DYSF: variants seen among roughly 807,000 people sequenced by gnomAD.
The protein encoded by DYSF is dysferlin.
In DYSF, 212 loss-of-function variants were observed where a neutral mutation model predicts 274.9. The ratio of observed to expected loss-of-function variants is 0.77; its 90% CI spans 0.69 to 0.86. The LOEUF is 0.86. Ranked by LOEUF, DYSF falls within the 40% of genes least tolerant of loss-of-function variation. DYSF has a pLI of 0.00. For synonymous variants in DYSF, 1,091 were observed against 1,078.7 expected (o/e 1.01, Z -0.22); for missense variants, 2,666 against 2,783.2 (o/e 0.96, Z 0.95).
chr2:71,588,250 C>A (rs368502362), intron 30 of DYSF, among the ~76,000 whole-genome samples: 4 of 152,172 alleles, frequency 2.6e-5, no homozygotes, highest in African/African-American at 7.2e-5. Context: ...CTGGACTGGA[C>A]CTTTCAGGCC....
At chr2:71,514,248 A>G (rs1441971553) in intron 7 of DYSF, among the ~76,000 whole-genome samples, 3 of 151,630 alleles carry the variant, frequency 2.0e-5, no homozygotes, top group African/African-American at 7.3e-5. Context: ...ATATCCAACC[A>G]GCAAGCTCCT....
At chr2:71,590,840 T>C (rs990545773) in intron 32 of DYSF, among the ~76,000 whole-genome samples, 1 of 152,218 alleles carries the variant, frequency 6.6e-6, no homozygotes, top group African/African-American at 2.4e-5. Flanking sequence ...CTGAGGATTC[T>C]ACCTCCTGAA....
chr2:71,594,683 A>G (rs1020907353), intron 32 of DYSF, among the ~76,000 whole-genome samples: 1 of 152,066 alleles, frequency 6.6e-6, no homozygotes, highest in Non-Finnish European at 1.5e-5. Flanking sequence ...CTGATCCCCA[A>G]GTGCCTAAAG....
intron 51 of DYSF, among the ~76,000 whole-genome samples, chr2:71,670,706 A>G (rs2095104521): frequency 6.6e-6 from 1 of 152,208 alleles, no homozygotes; most frequent in Non-Finnish European, 1.5e-5. Context: ...TGAACTAGGC[A>G]GAACTCGAGG....
At chr2:71,682,824 A>G in intron 55 of DYSF, 147 bp downstream of exon 55, 1 of 1,157,988 alleles carries the variant, frequency 8.6e-7, no homozygotes, top group Non-Finnish European at 1.2e-6. Context: ...TACAGAGCCC[A>G]GCTCTGGGGA....
At chr2:71,663,070 G>A (rs1300076290) in intron 45 of DYSF, among the ~76,000 whole-genome samples, 3 of 29,992 alleles carry the variant, frequency 1.0e-4, no homozygotes, top group African/African-American at 2.1e-4. Context: ...AGGGAAGGAA[G>A]GGCCCTGCCT....
intron 44 of DYSF, among the ~76,000 whole-genome samples, chr2:71,659,777 A>G (rs2094843868): frequency 6.6e-6 from 1 of 152,156 alleles, no homozygotes; most frequent in Non-Finnish European, 1.5e-5. Flanking sequence ...GAGGTGACAG[A>G]GGTGGGAGGC....
At chr2:71,512,822 G>A (rs908999824) in intron 5 of DYSF, among the ~76,000 whole-genome samples, 8 of 152,238 alleles carry the variant, frequency 5.3e-5, no homozygotes, top group Middle Eastern at 3.4e-3. Context: ...TGGTGAGGTC[G>A]GCAGAGCAGA....
At chr2:71,630,647 G>C (rs973843549) in intron 41 of DYSF, among the ~76,000 whole-genome samples, 4 of 152,188 alleles carry the variant, frequency 2.6e-5, no homozygotes, top group African/African-American at 9.7e-5. Context: ...TCAGTGAGTG[G>C]GAAGCCAAAT....
chr2:71,514,664 A>G (rs1025405979), intron 7 of DYSF, among the ~76,000 whole-genome samples: 3 of 152,188 alleles, frequency 2.0e-5, no homozygotes, highest in Non-Finnish European at 4.4e-5. Flanking sequence ...TTAAGGTTAA[A>G]AGCAAGAATC....
At chr2:71,508,417 C>T (rs2085726566) in intron 4 of DYSF, among the ~76,000 whole-genome samples, 1 of 152,226 alleles carries the variant, frequency 6.6e-6, no homozygotes, top group African/African-American at 2.4e-5. Flanking sequence ...AAGGATCCCA[C>T]TAAGGCTCAT....
At chr2:71,633,683 A>G (rs1429036637) in intron 41 of DYSF, among the ~76,000 whole-genome samples, 1 of 152,188 alleles carries the variant, frequency 6.6e-6, no homozygotes, top group Non-Finnish European at 1.5e-5. Flanking sequence ...TTAAAATTAT[A>G]AACAATAATA....
chr2:71,521,119 A>G (rs1410489217), intron 12 of DYSF, among the ~76,000 whole-genome samples: 2 of 151,850 alleles, frequency 1.3e-5, no homozygotes, highest in South Asian at 2.1e-4. Flanking sequence ...TAATCCTACC[A>G]CTCCGAGAGA....
At chr2:71,640,661 C>T (rs997580510) in intron 41 of DYSF, among the ~76,000 whole-genome samples, 3 of 152,134 alleles carry the variant, frequency 2.0e-5, no homozygotes, top group Non-Finnish European at 4.4e-5. Context: ...AGCTTGACCA[C>T]GCCAGATTGA....
chr2:71,663,983 C>A (rs2094950242), intron 45 of DYSF, among the ~76,000 whole-genome samples: 1 of 152,206 alleles, frequency 6.6e-6, no homozygotes, highest in Admixed American at 6.5e-5. Flanking sequence ...GTGGTCAAAG[C>A]TTCAGTTTTA....
At chr2:71,481,021 G>T (rs573292858) in intron 2 of DYSF, 83 bp downstream of exon 2, 12 of 1,389,850 alleles carry the variant, frequency 8.6e-6, no homozygotes, top group Non-Finnish European at 5.1e-6. Context: ...TGTGGAGGAG[G>T]TGCCTTCTCA....
intron 3 of DYSF, among the ~76,000 whole-genome samples, chr2:71,502,079 CTGTGTGTGTG>C (rs71402986): frequency 0.052 from 7,525 of 143,654 alleles, 202 homozygotes; most frequent in African/African-American, 0.063. Flanking sequence ...CTCCATGACT[CTGTGTGTGTG>C]TGTGTGTGTG....
chr2:71,667,239 C>A, intron 47 of DYSF, 137 bp from the exon 48 acceptor site: 1 of 1,219,612 alleles, frequency 8.2e-7, no homozygotes, highest in Non-Finnish European at 1.2e-6. Flanking sequence ...AAAAGTGCAT[C>A]TGTGCTGGGG....
chr2:71,530,137 C>T lies in DYSF; in HGVS notation c.1380+1736C>T, dbSNP rs551213528. On this transcript the variant is annotated intron_variant, in intron 14 of 55. Transcript: ENST00000410020. ...GTGTAGACTCAGGGTCCAGGTCTTA[C>T]GCCCTGCGCCTGGCATCAGGAGGAA... 9.4e-4 allele frequency among the ~76,000 whole-genome samples: 143 copies of T among 152,258 alleles called. 1 individual carries two copies. The highest frequency in any genetic ancestry group is 2.7e-3 in the Admixed American group (42 of 15,298).
Sources: allele counts gnomAD v4.1 joint callset (sites outside exome capture counted in the v4.1 genomes callset), GRCh38; gene constraint gnomAD v4.1.1; transcripts MANE v1.5; gene names NCBI Gene and HGNC (gene_info 2026-07-23, HGNC 2026-07-21).